Variants in PTTG1IP2 observed in about 807,000 individuals in gnomAD.
The protein encoded by PTTG1IP2 is PTTG1IP family member 2.
In PTTG1IP2 at chr7:90,469,793, T is replaced by C. The variant is rs1026673926; in HGVS notation, c.7T>C (p.Trp3Arg). Residue 3 changes from tryptophan to arginine, a missense_variant, in exon 1 of 7, where the codon TGG becomes CGG. Coordinates refer to ENST00000509356, the MANE Select transcript of PTTG1IP2 (RefSeq NM_001365443.2). Reference protein sequence around the residue: MCWLRAWGQILLP... With the variant: MCRLRAWGQILLP... ...TCACCAGGTCTGAAGAGAGATGTGC[T>C]GGCTGCGGGCATGGGGCCAGATCCT... is the stretch of plus-strand genomic sequence containing the variant. 6.5e-6 allele frequency: 1 copy of C among 152,824 alleles called. No individual in the cohort carries two copies. The highest frequency in any genetic ancestry group is 2.4e-5 in the African/African-American group (1 of 41,452). The allele number at this position is 152,824 out of a possible 1,614,324, so 9.5% of individuals were successfully genotyped here. A position where few individuals can be genotyped will look rare whatever the true frequency, so the allele number is the denominator to read the frequency against.
chr7:90,478,199 A>T (rs1342090300), intron 1 of PTTG1IP2, among the ~76,000 whole-genome samples: 1 of 152,098 alleles, frequency 6.6e-6, no homozygotes, highest in East Asian at 1.9e-4. Flanking sequence ...GTAAATCTGA[A>T]ATTATACAAA....
At chr7:90,482,169 A>C (rs1797821156) in intron 2 of PTTG1IP2, among the ~76,000 whole-genome samples, 1 of 152,122 alleles carries the variant, frequency 6.6e-6, no homozygotes, top group Non-Finnish European at 1.5e-5. Context: ...CTATACTCCC[A>C]GAGAAAGTGC....
At chr7:90,499,459 T>A (rs974077942) in intron 6 of PTTG1IP2, among the ~76,000 whole-genome samples, 10 of 152,220 alleles carry the variant, frequency 6.6e-5, no homozygotes, top group Non-Finnish European at 1.3e-4. Context: ...AGGGGGACAA[T>A]GTAACTGCAG....
At chr7:90,482,826 A>C (rs992285118) in intron 2 of PTTG1IP2, among the ~76,000 whole-genome samples, 1 of 152,064 alleles carries the variant, frequency 6.6e-6, no homozygotes, top group Non-Finnish European at 1.5e-5. Flanking sequence ...CATCTTTCTC[A>C]CTAACTGTGA....
chr7:90,472,322 C>CACACA (rs1797701607), intron 1 of PTTG1IP2, among the ~76,000 whole-genome samples: 2 of 125,250 alleles, frequency 1.6e-5, no homozygotes, highest in African/African-American at 6.7e-5. Flanking sequence ...ACACACACAC[C>CACACA]CCAAATAATC....
intron 6 of PTTG1IP2, among the ~76,000 whole-genome samples, chr7:90,505,530 C>T (rs1440239270): frequency 6.6e-6 from 1 of 152,190 alleles, no homozygotes; most frequent in East Asian, 1.9e-4. Context: ...CAAATTGTGA[C>T]TCAAAATCAT....
At chr7:90,490,547 T>C (rs1797927031) in intron 4 of PTTG1IP2, among the ~76,000 whole-genome samples, 1 of 152,068 alleles carries the variant, frequency 6.6e-6, no homozygotes. Context: ...TTTTCCTTAT[T>C]AACATACAAA....
At chr7:90,482,533 A>G (rs775941695) in intron 2 of PTTG1IP2, among the ~76,000 whole-genome samples, 3 of 148,972 alleles carry the variant, frequency 2.0e-5, no homozygotes, top group Non-Finnish European at 4.5e-5. Flanking sequence ...TCATAAACAT[A>G]GCGTATGAAA....
Position 90,502,761 on chromosome 7 carries a change from C to G in PTTG1IP2, c.*50+8331C>G, listed in dbSNP as rs1798073971. Among the ~76,000 whole-genome samples the G allele has an allele frequency of 1.3e-5, 2 of 152,196 alleles. 1 individual carries two copies. The highest frequency in any genetic ancestry group is 1.3e-4 in the Admixed American group (2 of 15,286). Reference sequence around the variant, plus strand: ...TATATTCAGTGAGCCATTCTGTAAACAGATGTGCTATCATCTAGGCTTTGG... The same window carrying G: ...TATATTCAGTGAGCCATTCTGTAAAGAGATGTGCTATCATCTAGGCTTTGG... On this transcript the variant is annotated intron_variant, in intron 6 of 6. Coordinates refer to ENST00000509356, the MANE Select transcript of PTTG1IP2 (RefSeq NM_001365443.2).
intron 6 of PTTG1IP2, among the ~76,000 whole-genome samples, chr7:90,502,440 T>C (rs950074117): frequency 6.6e-6 from 1 of 152,250 alleles, no homozygotes; most frequent in African/African-American, 2.4e-5. Context: ...GCATCTATAA[T>C]GGTGGATTCT....
chr7:90,493,012 AC>A (rs1292383047), intron 5 of PTTG1IP2, among the ~76,000 whole-genome samples: 36 of 152,254 alleles, frequency 2.4e-4, no homozygotes, highest in Admixed American at 2.2e-3. Context: ...GATCCTGAAA[AC>A]CCAACTGGAG....
At chr7:90,496,502 C>A (rs528108799) in intron 6 of PTTG1IP2, among the ~76,000 whole-genome samples, 2 of 152,116 alleles carry the variant, frequency 1.3e-5, no homozygotes, top group East Asian at 3.9e-4. Flanking sequence ...TCTTTCATTT[C>A]TGATTTTATT....
Position 90,510,336 on chromosome 7 carries a change from T to C in PTTG1IP2, c.*51-2942T>C, listed in dbSNP as rs17869463. 8.6e-3 allele frequency among the ~76,000 whole-genome samples: 1,309 copies of C among 152,338 alleles called. 29 individuals carry two copies. Among genetic ancestry groups the C allele is most frequent in the African/African-American group, 0.03 (1,247 of 41,574 alleles). ...AGTGCAAATTGACTCCTTATAATTT[T>C]GTGGTAGCACAGCTCTGCAGTAGCC... is the stretch of plus-strand genomic sequence containing the variant. On this transcript the variant is annotated intron_variant, in intron 6 of 6. Coordinates refer to ENST00000509356, the MANE Select transcript of PTTG1IP2 (RefSeq NM_001365443.2).
chr7:90,508,484 C>T (rs1016141122), intron 6 of PTTG1IP2, among the ~76,000 whole-genome samples: 1 of 151,914 alleles, frequency 6.6e-6, no homozygotes, highest in Non-Finnish European at 1.5e-5. Context: ...CAGGGGAGGA[C>T]ATTTTCGGGG....
At chr7:90,502,329 C>G (rs1584699984) in intron 6 of PTTG1IP2, among the ~76,000 whole-genome samples, 1 of 152,202 alleles carries the variant, frequency 6.6e-6, no homozygotes, top group African/African-American at 2.4e-5. Context: ...AAGTCTTGAA[C>G]CTTTTCAAAG....
At chr7:90,503,889 C>T (rs1798092825) in intron 6 of PTTG1IP2, among the ~76,000 whole-genome samples, 1 of 152,204 alleles carries the variant, frequency 6.6e-6, no homozygotes, top group Non-Finnish European at 1.5e-5. Context: ...GGTGCCGACA[C>T]ATTTGCCTGA....
At chr7:90,498,246 C>T (rs1328410980) in intron 6 of PTTG1IP2, among the ~76,000 whole-genome samples, 5 of 152,140 alleles carry the variant, frequency 3.3e-5, no homozygotes, top group African/African-American at 7.2e-5. Context: ...AGGATGGTCT[C>T]GATCTCCTGA....
intron 1 of PTTG1IP2, among the ~76,000 whole-genome samples, chr7:90,472,085 C>T (rs892414486): frequency 4.6e-5 from 7 of 151,870 alleles, no homozygotes; most frequent in African/African-American, 1.7e-4. Flanking sequence ...ACATAAAATG[C>T]CATAAAACTG....
At chr7:90,508,833 G>A (rs951373115) in intron 6 of PTTG1IP2, among the ~76,000 whole-genome samples, 8 of 152,206 alleles carry the variant, frequency 5.3e-5, no homozygotes, top group Non-Finnish European at 1.0e-4. Flanking sequence ...ACGTAGCGTG[G>A]TGAATGGTAT....
Sources: gnomAD v4.1 joint callset for allele counts (sites outside exome capture counted in the v4.1 genomes callset) on GRCh38, gnomAD v4.1.1 for gene constraint, MANE v1.5 for transcripts, NCBI Gene and HGNC (gene_info 2026-07-23, HGNC 2026-07-21) for gene names.